Variants in PHF14 observed in about 807,000 individuals in gnomAD.
PHF14 encodes PHD finger protein 14.
A neutral mutation model predicts 117.9 loss-of-function variants in PHF14; 55 were observed. That is an observed-to-expected ratio of 0.47 (90% CI 0.38 to 0.58). PHF14 has a LOEUF of 0.58. Among genes scored for constraint, PHF14 ranks in the 20% least tolerant of loss-of-function variants. PHF14 has a pLI of 0.00. For missense variants in PHF14, 978 were observed against 1,122.2 expected, an observed-to-expected ratio of 0.87 and a Z score of 1.84; for synonymous variants, 409 against 368.6, an observed-to-expected ratio of 1.11 and a Z score of -1.26.
chr7:11,145,755 T>C (rs1037409017), intron 17 of PHF14, among the ~76,000 whole-genome samples: 4 of 152,114 alleles, frequency 2.6e-5, no homozygotes, highest in Non-Finnish European at 2.9e-5. Flanking sequence ...TATAGATACA[T>C]GGAATATTAT....
chr7:10,999,866 G>A (rs1019557812), intron 4 of PHF14, among the ~76,000 whole-genome samples: 1 of 152,192 alleles, frequency 6.6e-6, no homozygotes, highest in African/African-American at 2.4e-5. Flanking sequence ...CTCTTCTTGT[G>A]TAATTGATTT....
intron 17 of PHF14, among the ~76,000 whole-genome samples, chr7:11,167,391 C>A (rs1789232211): frequency 6.6e-6 from 1 of 152,154 alleles, no homozygotes; most frequent in African/African-American, 2.4e-5. Flanking sequence ...TGAGTACTAG[C>A]AATCTTAATT....
intron 4 of PHF14, among the ~76,000 whole-genome samples, chr7:11,007,627 C>CT (rs1277905672): frequency 6.6e-6 from 1 of 152,178 alleles, no homozygotes; most frequent in African/African-American, 2.4e-5. Context: ...TAAATATGAA[C>CT]TTCATGAATA....
rs531542684 is a variant in PHF14 at position 11,130,063 on chromosome 7, G to T, written c.2772+18596G>T. 3.3e-5 allele frequency among the ~76,000 whole-genome samples: 5 copies of T among 152,082 alleles called. No homozygotes were observed. In the South Asian group the frequency reaches 1.0e-3, roughly 32 times the overall value. On this transcript the variant is annotated intron_variant, in intron 17 of 17. Coordinates refer to ENST00000634607, the MANE Select transcript of PHF14 (RefSeq NM_001007157.2). This position sits in a 1 kb window ranked among gnomAD's most constrained non-coding sequence, Gnocchi z 4.2. The stretch of plus-strand genomic sequence containing the variant: ...TAAGTTGATTTCTCATTCATGTAAC[G>T]TATCAGTACAGGTTGACAGAGCAGC...
chr7:11,154,922 G>A (rs1463862079), intron 17 of PHF14, among the ~76,000 whole-genome samples: 1 of 151,958 alleles, frequency 6.6e-6, no homozygotes, highest in African/African-American at 2.4e-5. Context: ...GAGTGACATA[G>A]GTAGAATTGG....
At chr7:11,075,688 G>A (rs1371368510) in intron 16 of PHF14, among the ~76,000 whole-genome samples, 1 of 151,074 alleles carries the variant, frequency 6.6e-6, no homozygotes, top group African/African-American at 2.4e-5. Context: ...CCTGAGATTT[G>A]GAGGAGACAT....
chr7:10,998,301 T>C (rs1320988226), intron 4 of PHF14, among the ~76,000 whole-genome samples: 1 of 152,118 alleles, frequency 6.6e-6, no homozygotes, highest in African/African-American at 2.4e-5. Flanking sequence ...CTCAGTGAAA[T>C]AGGAAGCAAA....
chr7:11,098,081 T>G (rs1786943877), intron 16 of PHF14, among the ~76,000 whole-genome samples: 1 of 152,052 alleles, frequency 6.6e-6, no homozygotes, highest in Non-Finnish European at 1.5e-5. Context: ...TAAAATCTTT[T>G]GTTAATTATA....
chr7:11,138,210 T>C (rs567367765), intron 17 of PHF14, among the ~76,000 whole-genome samples: 27 of 152,114 alleles, frequency 1.8e-4, no homozygotes, highest in Non-Finnish European at 2.9e-4. Flanking sequence ...CTGGCTAATT[T>C]TTTGTATTTT....
At chr7:11,119,180 A>T (rs1269412268) in intron 17 of PHF14, among the ~76,000 whole-genome samples, 9 of 151,900 alleles carry the variant, frequency 5.9e-5, no homozygotes, top group Non-Finnish European at 1.0e-4. Flanking sequence ...CATACATATA[A>T]ATGTCTTTTA....
intron 17 of PHF14, among the ~76,000 whole-genome samples, chr7:11,165,240 G>C (rs1373971506): frequency 6.6e-6 from 1 of 152,120 alleles, no homozygotes. Flanking sequence ...ACATTTTGAA[G>C]ACTACTGTTT....
chr7:11,085,330 A>G, intron 16 of PHF14, among the ~76,000 whole-genome samples: 1 of 152,216 alleles, frequency 6.6e-6, no homozygotes, highest in Non-Finnish European at 1.5e-5. Flanking sequence ...GATTTAAAAC[A>G]ATTTATTAGT....
intron 16 of PHF14, among the ~76,000 whole-genome samples, chr7:11,070,219 A>G (rs1785567199): frequency 6.6e-6 from 1 of 152,166 alleles, no homozygotes; most frequent in South Asian, 2.1e-4. Flanking sequence ...CTGTGACTAC[A>G]AGTGCGCGCC....
intron 16 of PHF14, among the ~76,000 whole-genome samples, chr7:11,091,399 GT>G (rs544146469): frequency 1.3e-5 from 2 of 151,924 alleles, no homozygotes; most frequent in Admixed American, 6.6e-5. Flanking sequence ...TGAATAGAGG[GT>G]TTTTTTTAAA....
rs1258024499 is a variant in PHF14 at position 11,013,601 on chromosome 7, T to C, written c.1046-146T>C. ...GGTGAAAAAGTATATAAAATGAGTT[T>C]ATTTCTGTATTTTAATACGTTTCTT... On this transcript the variant is annotated intron_variant, in intron 4 of 17. Transcript: ENST00000634607. 1.0e-5 allele frequency: 5 copies of C among 490,852 alleles called. No individual in the cohort carries two copies. The Admixed American group carries it at 1.0e-4, about 10-fold the overall frequency. The allele number at this position is 490,852 out of a possible 1,614,324, so 30.4% of individuals were successfully genotyped here.
intron 17 of PHF14, among the ~76,000 whole-genome samples, chr7:11,123,870 A>T (rs1244257842): frequency 6.6e-6 from 1 of 151,748 alleles, no homozygotes; most frequent in Non-Finnish European, 1.5e-5. Context: ...GTGAGCCGAG[A>T]TCGTGCCACT....
chr7:11,042,146 T>C (rs1392795349), intron 12 of PHF14, among the ~76,000 whole-genome samples: 1 of 152,016 alleles, frequency 6.6e-6, no homozygotes, highest in Non-Finnish European at 1.5e-5. Context: ...TTAATTAGTA[T>C]ATTTTTAAAA....
intron 16 of PHF14, among the ~76,000 whole-genome samples, chr7:11,072,926 A>G (rs1268339047): frequency 2.0e-5 from 3 of 152,208 alleles, no homozygotes; most frequent in Non-Finnish European, 4.4e-5. Context: ...GTGAACTAAC[A>G]GCAAGAATTT....
intron 17 of PHF14, among the ~76,000 whole-genome samples, chr7:11,129,830 G>A (rs950250555): frequency 6.6e-6 from 1 of 151,930 alleles, no homozygotes; most frequent in Non-Finnish European, 1.5e-5. Context: ...AATTTAAAGT[G>A]TTAAATGCCA....
Sources: allele counts gnomAD v4.1 joint callset (sites outside exome capture counted in the v4.1 genomes callset), GRCh38; gene constraint gnomAD v4.1.1; non-coding constraint Gnocchi (gnomAD v3.1); transcripts MANE v1.5; gene names NCBI Gene and HGNC (gene_info 2026-07-23, HGNC 2026-07-21).